Variants in EPHA6 observed in about 807,000 individuals in gnomAD.
EPHA6 encodes EPH receptor A6.
EPHA6 carries 50 observed loss-of-function variants against 112.0 expected under a neutral mutation model. That is an observed-to-expected ratio of 0.45 (90% CI 0.36 to 0.56). The LOEUF is 0.56. Among genes scored for constraint, EPHA6 ranks in the 20% least tolerant of loss-of-function variants. The probability of loss-of-function intolerance (pLI) is 0.00; values close to 1 mark genes in which losing one functional copy is unlikely to be tolerated. For synonymous variants in EPHA6, 529 were observed against 490.7 expected (o/e 1.08, Z -1.03); for missense variants, 1,280 against 1,417.4 (o/e 0.90, Z 1.56).
intron 5 of EPHA6, among the ~76,000 whole-genome samples, chr3:97,350,343 A>T (rs980771796): frequency 1.3e-5 from 2 of 152,090 alleles, no homozygotes; most frequent in Middle Eastern, 3.2e-3. Flanking sequence ...AATTAGCAAA[A>T]TATTCAGCTA....
intron 5 of EPHA6, among the ~76,000 whole-genome samples, chr3:97,353,852 T>C (rs763801536): frequency 8.5e-5 from 13 of 152,154 alleles, no homozygotes; most frequent in Non-Finnish European, 1.8e-4. Context: ...CAGGTAAGAC[T>C]CAGCATAGTC....
intron 3 of EPHA6, among the ~76,000 whole-genome samples, chr3:97,055,999 A>G (rs985504143): frequency 1.3e-5 from 2 of 152,110 alleles, no homozygotes; most frequent in Non-Finnish European, 2.9e-5. Context: ...TACATATTCT[A>G]TACTTATGAT....
At chr3:97,417,573 A>C (rs2088231919) in intron 6 of EPHA6, among the ~76,000 whole-genome samples, 1 of 152,086 alleles carries the variant, frequency 6.6e-6, no homozygotes, top group African/African-American at 2.4e-5. Flanking sequence ...TGTTTTTACA[A>C]AACTTAAGGG....
chr3:97,683,955 A>G (rs1415312010), intron 14 of EPHA6, among the ~76,000 whole-genome samples: 6 of 152,156 alleles, frequency 3.9e-5, no homozygotes, highest in African/African-American at 1.4e-4. Context: ...GATTACCACA[A>G]AGGATTTTGT....
chr3:97,229,208 C>T (rs2078450078), intron 4 of EPHA6, among the ~76,000 whole-genome samples: 1 of 152,052 alleles, frequency 6.6e-6, no homozygotes, highest in African/African-American at 2.4e-5. Flanking sequence ...TGTGTGAAAG[C>T]TTTTTAGTTT....
chr3:97,061,428 C>T (rs1002560633), intron 3 of EPHA6, among the ~76,000 whole-genome samples: 3 of 152,142 alleles, frequency 2.0e-5, no homozygotes, highest in Non-Finnish European at 4.4e-5. Flanking sequence ...ACTTTGGGCC[C>T]AGAGCCTTTT....
chr3:97,084,568 C>CA (rs1452502738), intron 3 of EPHA6, among the ~76,000 whole-genome samples: 1 of 151,998 alleles, frequency 6.6e-6, no homozygotes, highest in Non-Finnish European at 1.5e-5. Flanking sequence ...GATACAAAAT[C>CA]AATGTATGAA....
At chr3:96,833,614 C>T (rs772167793) in intron 1 of EPHA6, among the ~76,000 whole-genome samples, 1 of 151,952 alleles carries the variant, frequency 6.6e-6, no homozygotes, top group Non-Finnish European at 1.5e-5. Context: ...GATATATCAT[C>T]TCTTAGAATA....
At chr3:97,438,266 TA>T (rs2089960650) in intron 6 of EPHA6, among the ~76,000 whole-genome samples, 1 of 152,148 alleles carries the variant, frequency 6.6e-6, no homozygotes, top group East Asian at 1.9e-4. Flanking sequence ...GAATATGTAT[TA>T]AAAGATATTT....
At chr3:97,254,433 C>T (rs1324534087) in intron 5 of EPHA6, among the ~76,000 whole-genome samples, 1 of 152,180 alleles carries the variant, frequency 6.6e-6, no homozygotes, top group African/African-American at 2.4e-5. Flanking sequence ...CTTGTTCCGC[C>T]TGCCTTGGCC....
chr3:97,352,395 G>C (rs547274683), intron 5 of EPHA6, among the ~76,000 whole-genome samples: 207 of 152,304 alleles, frequency 1.4e-3, no homozygotes, highest in African/African-American at 4.7e-3. Flanking sequence ...AGGCAGTGAA[G>C]AGGGTAGGAA....
intron 2 of EPHA6, among the ~76,000 whole-genome samples, chr3:96,912,158 G>A: frequency 6.6e-6 from 1 of 151,912 alleles, no homozygotes; most frequent in East Asian, 1.9e-4. Context: ...TTACAAAATG[G>A]TTACATTATA....
chr3:97,263,991 G>A (rs969005143), intron 5 of EPHA6, among the ~76,000 whole-genome samples: 8 of 152,012 alleles, frequency 5.3e-5, no homozygotes, highest in South Asian at 2.1e-4. Context: ...CTCTTTATGC[G>A]TCCCCCTAGA....
rs1174120424 is a variant in EPHA6, at chr3:96,847,176, GAC to G, written c.386-19647_386-19646del. Among the ~76,000 whole-genome samples, 19 of 151,982 alleles carry G rather than the reference GAC, an allele frequency of 1.3e-4. No individual in the cohort carries two copies. The East Asian group carries it at 2.5e-3, about 20-fold the overall frequency. ...CTTCAATTTTTTTTATATTTAATAA[GAC>G]AACAGCATTTGCTACTGTATATAAA... On this transcript the variant is annotated intron_variant, in intron 1 of 17. Coordinates refer to ENST00000389672, the MANE Select transcript of EPHA6 (RefSeq NM_001080448.3).
At position 97,754,869 on chromosome 3, in the gene EPHA6, A is replaced by G. The variant is rs1032613558; in HGVS notation, c.*6168A>G. Among the ~76,000 whole-genome samples the G allele has an allele frequency of 6.6e-6, 1 of 152,034 alleles. No homozygotes were observed. The highest frequency in any genetic ancestry group is 2.4e-5 in the African/African-American group (1 of 41,382). On this transcript the variant is annotated 3_prime_UTR_variant, in exon 18 of 18. Transcript: ENST00000389672. ...CAGGCGTCCGTCACCACGCCCGGCT[A>G]ATTTTTTGTATTTTTAGTAGAGACG...
intron 3 of EPHA6, among the ~76,000 whole-genome samples, chr3:97,010,980 G>C (rs541596640): frequency 6.6e-6 from 1 of 151,640 alleles, no homozygotes; most frequent in Non-Finnish European, 1.5e-5. Flanking sequence ...TATGTGGTGC[G>C]TGTGTGTGTG....
At chr3:97,554,436 A>C (rs1202223720) in intron 11 of EPHA6, among the ~76,000 whole-genome samples, 1 of 152,126 alleles carries the variant, frequency 6.6e-6, no homozygotes, top group African/African-American at 2.4e-5. Flanking sequence ...TTAATTTAAC[A>C]GCTATTTCTT....
chr3:97,082,734 C>T (rs1435675596), intron 3 of EPHA6, among the ~76,000 whole-genome samples: 1 of 151,692 alleles, frequency 6.6e-6, no homozygotes, highest in Non-Finnish European at 1.5e-5. Context: ...ATAAAAATAC[C>T]CACGAGTATT....
chr3:97,720,153 C>T (rs2034461209), intron 14 of EPHA6, 108 bp from the exon 15 acceptor site: 3 of 859,548 alleles, frequency 3.5e-6, no homozygotes, highest in Non-Finnish European at 3.2e-6. Flanking sequence ...AATGCCAGTG[C>T]TATTATGAAG....
Sources: gnomAD v4.1 joint callset for allele counts (sites outside exome capture counted in the v4.1 genomes callset) on GRCh38, gnomAD v4.1.1 for gene constraint, MANE v1.5 for transcripts, NCBI Gene and HGNC (gene_info 2026-07-23, HGNC 2026-07-21) for gene names.